The following PUM1 variants were observed in gnomAD, a reference collection of about 807,000 sequenced individuals.
The protein encoded by PUM1 is pumilio RNA binding family member 1.
In PUM1, 13 loss-of-function variants were observed where a neutral mutation model predicts 131.8. The ratio of observed to expected loss-of-function variants is 0.10; its 90% CI spans 0.06 to 0.16. The LOEUF (loss-of-function observed/expected upper bound fraction) is 0.16. Among genes scored for constraint, PUM1 ranks in the 10% least tolerant of loss-of-function variants. PUM1 has a pLI of 1.00. For synonymous variants in PUM1, 509 were observed against 556.5 expected, an observed-to-expected ratio of 0.91 and a Z score of 1.20; for missense variants, 961 against 1,512.4, an observed-to-expected ratio of 0.64 and a Z score of 6.05.
At chr1:31,000,796 C>T (rs1025541439) in intron 5 of PUM1, among the ~76,000 whole-genome samples, 1 of 152,168 alleles carries the variant, frequency 6.6e-6, no homozygotes, top group Non-Finnish European at 1.5e-5. Context: ...CACACACTTA[C>T]CCATTTTCAC....
chr1:30,945,902 C>T (rs2124399325), intron 17 of PUM1, among the ~76,000 whole-genome samples: 1 of 152,294 alleles, frequency 6.6e-6, no homozygotes, highest in South Asian at 2.1e-4. Flanking sequence ...TCTCCTGTCT[C>T]AGCCTCCCGA....
At chr1:31,022,473 G>C (rs2124536345) in intron 3 of PUM1, among the ~76,000 whole-genome samples, 1 of 152,348 alleles carries the variant, frequency 6.6e-6, no homozygotes, top group South Asian at 2.1e-4. Context: ...GGTCTTCCCA[G>C]TGCAGGTTAG....
In PUM1 at chr1:31,057,143, C is replaced by T. The variant is rs545203636; in HGVS notation, c.363+2061G>A. Among the ~76,000 whole-genome samples, 7 of 152,282 alleles carry T rather than the reference C, an allele frequency of 4.6e-5. No individual in the cohort carries two copies. In the South Asian group the frequency reaches 1.4e-3, roughly 32 times the overall value. ...AACTGGTCAGATGCAGTAGCTCACA[C>T]TTGCAATCCCAGCACTCTGGGAGTC... On this transcript the variant is annotated intron_variant, in intron 2 of 21. Transcript: ENST00000426105.
intron 2 of PUM1, among the ~76,000 whole-genome samples, chr1:31,048,436 C>G (rs1205056927): frequency 6.6e-6 from 1 of 151,256 alleles, no homozygotes; most frequent in African/African-American, 2.4e-5. Flanking sequence ...CCAGGACCAT[C>G]AAGGTAAATT....
chr1:30,992,688 A>G, intron 6 of PUM1, 28 bp from the exon 7 acceptor site: 1 of 1,590,958 alleles, frequency 6.3e-7, no homozygotes, highest in Non-Finnish European at 8.6e-7. Flanking sequence ...AGGGCATTAA[A>G]CCTTATTTTC....
Position 30,941,917 on chromosome 1 carries a change from C to A in PUM1, c.3120+81G>T. ...TAAAACACATTAACCTCTTCTGGAA[C>A]CTACACTGACAAAACACACAAACTC... is the stretch of plus-strand genomic sequence containing the variant. On this transcript the variant is annotated intron_variant, in intron 19 of 21. Transcript: ENST00000426105. 2.2e-6 allele frequency: 3 copies of A among 1,345,708 alleles called. No homozygotes were observed. The South Asian group carries it at 3.5e-5, about 16-fold the overall frequency. The allele number at this position is 1,345,708 out of a possible 1,614,324, so 83.4% of individuals were successfully genotyped here.
At chr1:30,952,790 C>T (rs1032726304) in intron 15 of PUM1, among the ~76,000 whole-genome samples, 4 of 151,550 alleles carry the variant, frequency 2.6e-5, no homozygotes, top group Non-Finnish European at 5.9e-5. Context: ...ACCAGCCTCA[C>T]ATCAATGAAC....
chr1:30,975,928 T>A (rs528513103), intron 9 of PUM1, among the ~76,000 whole-genome samples: 17 of 151,354 alleles, frequency 1.1e-4, no homozygotes, highest in East Asian at 1.9e-4. Flanking sequence ...ACTAAAAAAA[T>A]ATATAAAAAA....
chr1:31,065,398 TC>T (rs1359659333), intron 1 of PUM1, among the ~76,000 whole-genome samples: 1 of 150,848 alleles, frequency 6.6e-6, no homozygotes, highest in Non-Finnish European at 1.5e-5. Context: ...TCGACCCCGC[TC>T]CCCACCCCCT....
At chr1:30,981,134 C>A (rs1407461364) in intron 8 of PUM1, among the ~76,000 whole-genome samples, 178 bp downstream of exon 8, 1 of 152,174 alleles carries the variant, frequency 6.6e-6, no homozygotes, top group Non-Finnish European at 1.5e-5. Context: ...GGTCTACAAG[C>A]TATGTCAAAA....
chr1:31,015,682 T>C (rs1376231014), intron 3 of PUM1, among the ~76,000 whole-genome samples: 1 of 149,584 alleles, frequency 6.7e-6, no homozygotes, highest in Non-Finnish European at 1.5e-5. Flanking sequence ...TTTTCTTTTT[T>C]TTTTTTTTGA....
At chr1:31,036,081 G>GTT (rs769908460) in intron 2 of PUM1, among the ~76,000 whole-genome samples, 1 of 142,224 alleles carries the variant, frequency 7.0e-6, no homozygotes, top group Admixed American at 7.1e-5. Flanking sequence ...ACTCAAGTTT[G>GTT]TTTTTTTTTT....
At chr1:31,064,355 C>T (rs1644433648) in intron 1 of PUM1, among the ~76,000 whole-genome samples, 1 of 152,110 alleles carries the variant, frequency 6.6e-6, no homozygotes, top group African/African-American at 2.4e-5. Context: ...GTTCAGAATC[C>T]GGAGAGCGTT....
In PUM1 at chr1:30,952,297, G is replaced by A. The variant is rs747756723; in HGVS notation, c.2658C>T (p.Leu886=). The A allele has an allele frequency of 1.2e-6, 2 of 1,614,094 alleles. No homozygotes were observed. The highest frequency in any genetic ancestry group is 1.6e-4 in the Middle Eastern group (1 of 6,062). Residue 886 remains leucine, a synonymous_variant, in exon 16 of 22, where the codon CTC becomes CTT. Transcript: ENST00000426105. Reference sequence around the variant, plus strand: ...CCACCATGAGTTGGTAGGCAGCCTGGAGGATTTCATTGAAGACAAGCTGGC... The same window carrying A: ...CCACCATGAGTTGGTAGGCAGCCTGAAGGATTTCATTGAAGACAAGCTGGC... ...AERQLVFNEI[L]QAAYQLMVDV...
rs1054073398 is a variant in PUM1, at chr1:30,967,266, C to A, written c.1690G>T (p.Ala564Ser). 1 of 1,614,032 alleles carries A rather than the reference C, an allele frequency of 6.2e-7. No homozygotes were observed. Residue 564 changes from alanine to serine, a missense_variant, in exon 12 of 22, where the codon GCC becomes TCC. Physicochemically the swap from Ala to Ser is moderately conservative, Grantham distance 99. Coordinates refer to ENST00000426105, the MANE Select transcript of PUM1 (RefSeq NM_001020658.2). ...CTCGCGCCTGCATTCACTACAAGGGCACCAGTTTGGTCATAGTAAGCAGCA... is the reference window on the plus strand; with the variant it reads ...CTCGCGCCTGCATTCACTACAAGGGAACCAGTTTGGTCATAGTAAGCAGCA... ...APAAYYDQTG[A>S]LVVNAGARNG...
rs570322764 is a variant in PUM1 at position 31,042,276 on chromosome 1, A to G, written c.364-13412T>C. 4.6e-5 allele frequency among the ~76,000 whole-genome samples: 7 copies of G among 152,112 alleles called. No homozygotes were observed. The East Asian group carries it at 1.2e-3, about 25-fold the overall frequency. On this transcript the variant is annotated intron_variant, in intron 2 of 21. Coordinates refer to ENST00000426105, the MANE Select transcript of PUM1 (RefSeq NM_001020658.2). Reference sequence around the variant, plus strand: ...AGCCGAGATTGCACCACTGCACTCCAACCTGGGCAACAGAGCGAGACTCTG... The same window carrying G: ...AGCCGAGATTGCACCACTGCACTCCGACCTGGGCAACAGAGCGAGACTCTG...
chr1:31,016,666 A>G (rs1194816414), intron 3 of PUM1, among the ~76,000 whole-genome samples: 2 of 152,154 alleles, frequency 1.3e-5, no homozygotes, highest in Non-Finnish European at 2.9e-5. Flanking sequence ...TTTTCTTCAT[A>G]TTTCTCTACT....
intron 3 of PUM1, among the ~76,000 whole-genome samples, chr1:31,010,080 T>C (rs1051483538): frequency 6.6e-6 from 1 of 151,724 alleles, no homozygotes; most frequent in African/African-American, 2.4e-5. Context: ...CAAAGTGCTA[T>C]TAGGTTGGTG....
chr1:31,037,325 G>A (rs892830948), intron 2 of PUM1: 5 of 152,168 alleles, frequency 3.3e-5, no homozygotes, highest in East Asian at 1.9e-4. Context: ...TCCAAGTATC[G>A]GTGACGCTTC....
Sources: gnomAD v4.1 joint callset for allele counts (sites outside exome capture counted in the v4.1 genomes callset) on GRCh38, gnomAD v4.1.1 for gene constraint, MANE v1.5 for transcripts, NCBI Gene and HGNC (gene_info 2026-07-23, HGNC 2026-07-21) for gene names.